SGCD: variants seen among roughly 807,000 people sequenced by gnomAD.
SGCD encodes sarcoglycan delta.
In SGCD, 18 loss-of-function variants were observed where a neutral mutation model predicts 36.6. The observed-to-expected ratio is 0.49, with a 90% CI of 0.34 to 0.73. The LOEUF is 0.73. Ranked by LOEUF, SGCD falls within the 30% of genes least tolerant of loss-of-function variation. The probability of loss-of-function intolerance (pLI) is 0.01; values close to 1 mark genes in which losing one functional copy is unlikely to be tolerated. For synonymous variants in SGCD, 133 were observed against 130.6 expected, an observed-to-expected ratio of 1.02 and a Z score of -0.12; for missense variants, 387 against 346.7, an observed-to-expected ratio of 1.12 and a Z score of -0.92.
chr5:156,236,236 G>C (rs1262794031), intron 3 of SGCD, among the ~76,000 whole-genome samples: 1 of 151,998 alleles, frequency 6.6e-6, no homozygotes, highest in Non-Finnish European at 1.5e-5. Context: ...CAAGATTACA[G>C]TGTATGCTCT....
chr5:156,356,408 C>T (rs761813367), intron 3 of SGCD, among the ~76,000 whole-genome samples: 1 of 152,196 alleles, frequency 6.6e-6, no homozygotes, highest in Non-Finnish European at 1.5e-5. Context: ...CAGCTCTTCC[C>T]TATGGGCTAA....
At chr5:155,834,967 C>G in the SGCD span, among the ~76,000 whole-genome samples, 1 of 143,366 alleles carries the variant, frequency 7.0e-6, no homozygotes, top group African/African-American at 2.6e-5. Context: ...TCCTGAGTAG[C>G]TGGGATTAAA....
chr5:155,749,271 A>T, the SGCD span, among the ~76,000 whole-genome samples: 1 of 152,138 alleles, frequency 6.6e-6, no homozygotes, highest in African/African-American at 2.4e-5. Flanking sequence ...CAAGGCCTGG[A>T]GATGTATCAA....
intron 3 of SGCD, among the ~76,000 whole-genome samples, chr5:156,458,874 T>C (rs147309548): frequency 0.016 from 2,499 of 152,286 alleles, 25 homozygotes; most frequent in Non-Finnish European, 0.027. Flanking sequence ...ATTTCTTCTT[T>C]TCCCTCAAAA....
At chr5:155,971,607 C>A (rs557267792) in intron 1 of SGCD, among the ~76,000 whole-genome samples, 4 of 152,142 alleles carry the variant, frequency 2.6e-5, no homozygotes, top group African/African-American at 7.2e-5. Flanking sequence ...AGACCACAAA[C>A]CTGCCTGCAG....
chr5:155,981,396 G>C (rs1758226791), intron 1 of SGCD, among the ~76,000 whole-genome samples: 1 of 152,150 alleles, frequency 6.6e-6, no homozygotes, highest in African/African-American at 2.4e-5. Context: ...CTATAGTATA[G>C]CAGTATAGGC....
intron 1 of SGCD, among the ~76,000 whole-genome samples, chr5:156,007,267 A>C (rs1020191078): frequency 6.6e-6 from 1 of 152,106 alleles, no homozygotes; most frequent in Non-Finnish European, 1.5e-5. Flanking sequence ...TATTGAGGAT[A>C]ACTCCATTCC....
intron 3 of SGCD, among the ~76,000 whole-genome samples, chr5:156,314,820 G>A (rs1767472708): frequency 6.6e-6 from 1 of 151,958 alleles, no homozygotes; most frequent in African/African-American, 2.4e-5. Context: ...CAGTTATACA[G>A]GAGGCATAAG....
intron 1 of SGCD, among the ~76,000 whole-genome samples, chr5:155,962,337 C>G (rs1045440870): frequency 2.6e-5 from 4 of 151,982 alleles, no homozygotes; most frequent in African/African-American, 9.7e-5. Flanking sequence ...CTCCCAGAGC[C>G]CCTATCTTTA....
chr5:155,781,736 G>T, the SGCD span, among the ~76,000 whole-genome samples: 1 of 152,130 alleles, frequency 6.6e-6, no homozygotes, highest in Admixed American at 6.5e-5. Context: ...CTCCCAAAGT[G>T]CTAGGATTAT....
At chr5:156,669,833 C>T (rs1753213949) in intron 7 of SGCD, among the ~76,000 whole-genome samples, 1 of 152,124 alleles carries the variant, frequency 6.6e-6, no homozygotes, top group Admixed American at 6.5e-5. Flanking sequence ...AACTGATGCT[C>T]TAAACATCCT....
At chr5:156,192,501 G>A (rs1018160822) in intron 3 of SGCD, among the ~76,000 whole-genome samples, 1 of 152,074 alleles carries the variant, frequency 6.6e-6, no homozygotes, top group Non-Finnish European at 1.5e-5. Context: ...GGAATGAAGA[G>A]AGGTAAGTTA....
At chr5:156,188,546 C>G (rs935329288) in intron 3 of SGCD, among the ~76,000 whole-genome samples, 2 of 152,038 alleles carry the variant, frequency 1.3e-5, no homozygotes, top group Non-Finnish European at 2.9e-5. Flanking sequence ...CCTTCCTCAG[C>G]AGGAAGCATG....
chr5:156,419,252 G>A (rs1773191712), intron 3 of SGCD, among the ~76,000 whole-genome samples: 2 of 152,114 alleles, frequency 1.3e-5, no homozygotes, highest in Non-Finnish European at 1.5e-5. Context: ...CCCTTAAACA[G>A]CAAGAGATGT....
intron 1 of SGCD, among the ~76,000 whole-genome samples, chr5:155,959,999 A>G (rs1248672654): frequency 1.3e-5 from 2 of 152,092 alleles, no homozygotes; most frequent in African/African-American, 4.8e-5. Context: ...AGAGAGAGAA[A>G]AAATGTTTTT....
chr5:156,366,668 G>C (rs375388844), intron 3 of SGCD, among the ~76,000 whole-genome samples: 1 of 152,278 alleles, frequency 6.6e-6, no homozygotes, highest in East Asian at 1.9e-4. Flanking sequence ...TAGAACTGGA[G>C]CTAACATAGC....
At chr5:156,353,841 A>G (rs1025900830) in intron 3 of SGCD, among the ~76,000 whole-genome samples, 1 of 152,248 alleles carries the variant, frequency 6.6e-6, no homozygotes, top group Non-Finnish European at 1.5e-5. Context: ...GTCCTAGGAT[A>G]TGGCTCTCTA....
chr5:156,367,175 A>G (rs1015457430), intron 3 of SGCD, among the ~76,000 whole-genome samples: 48 of 152,370 alleles, frequency 3.2e-4, no homozygotes, highest in African/African-American at 1.1e-3. Flanking sequence ...AACTGTTGAG[A>G]AACACATAAG....
At position 156,380,139 on chromosome 5, in the gene SGCD, G is replaced by A. The variant is rs1001350316; in HGVS notation, c.192+35462G>A. Among the ~76,000 whole-genome samples the A allele has an allele frequency of 1.5e-4, 23 of 152,016 alleles. 1 individual carries two copies. The highest frequency in any genetic ancestry group is 5.3e-4 in the African/African-American group (22 of 41,416). ...CCTACCCTTTAATTTTCTGTTCTTG[G>A]TTGAAATGATCATTGCAAACATCTG... On this transcript the variant is annotated intron_variant, in intron 3 of 8. Coordinates refer to ENST00000337851, the MANE Select transcript of SGCD (RefSeq NM_000337.6).
Sources: gnomAD v4.1 joint callset for allele counts (sites outside exome capture counted in the v4.1 genomes callset) on GRCh38, gnomAD v4.1.1 for gene constraint, MANE v1.5 for transcripts, NCBI Gene and HGNC (gene_info 2026-07-23, HGNC 2026-07-21) for gene names.